CHCHD6: variants seen among roughly 807,000 people sequenced by gnomAD.
CHCHD6 encodes the protein MICOS complex subunit MIC25.
CHCHD6 carries 28 observed loss-of-function variants against 32.3 expected under a neutral mutation model. The ratio of observed to expected loss-of-function variants is 0.87; its 90% CI spans 0.64 to 1.19. The LOEUF (loss-of-function observed/expected upper bound fraction) is 1.19. Among genes scored for constraint, CHCHD6 ranks in the 50% most tolerant of loss-of-function variants. The pLI, the probability that CHCHD6 is intolerant of heterozygous loss-of-function variation, is 0.00. For synonymous variants in CHCHD6, 122 were observed against 117.5 expected, an observed-to-expected ratio of 1.04 and a Z score of -0.25; for missense variants, 333 against 307.0, an observed-to-expected ratio of 1.08 and a Z score of -0.63.
At chr3:126,858,972 G>T (rs946158710) in intron 5 of CHCHD6, among the ~76,000 whole-genome samples, 1 of 152,222 alleles carries the variant, frequency 6.6e-6, no homozygotes, top group African/African-American at 2.4e-5. Flanking sequence ...TGAGCCCTGT[G>T]CATATTCTAG....
At chr3:126,778,640 G>GT (rs1937770887) in intron 4 of CHCHD6, among the ~76,000 whole-genome samples, 1 of 152,150 alleles carries the variant, frequency 6.6e-6, no homozygotes, top group East Asian at 1.9e-4. Context: ...GCTGAAGGAG[G>GT]TTTTTTTGAT....
intron 4 of CHCHD6, among the ~76,000 whole-genome samples, chr3:126,821,733 C>T (rs1940163863): frequency 6.6e-6 from 1 of 152,116 alleles, no homozygotes. Flanking sequence ...CCACCTCATG[C>T]TTGTTCTTGT....
intron 1 of CHCHD6, 149 bp from the exon 2 acceptor site, chr3:126,726,929 G>A (rs919917903): frequency 4.8e-6 from 3 of 623,556 alleles, no homozygotes; most frequent in Non-Finnish European, 5.7e-6. Context: ...GGGCCACCAC[G>A]AGAGGAGTTT....
chr3:126,765,987 CTT>C (rs1176756478), intron 4 of CHCHD6, among the ~76,000 whole-genome samples: 2 of 152,162 alleles, frequency 1.3e-5, no homozygotes, highest in Non-Finnish European at 1.5e-5. Flanking sequence ...AGGCCGGTGA[CTT>C]TGCCTGGCTG....
At position 126,789,286 on chromosome 3, in the gene CHCHD6, A is replaced by T. The variant is rs540784318; in HGVS notation, c.411+56064A>T. 1.4e-4 allele frequency among the ~76,000 whole-genome samples: 22 copies of T among 152,290 alleles called. No individual in the cohort carries two copies. The East Asian group carries it at 3.9e-3, about 27-fold the overall frequency. ...ATAAGTGCGGTGTGGTGCTGAGAAGAATGTATATTCTGTTGATTTGGGGTG... is the reference window on the plus strand; with the variant it reads ...ATAAGTGCGGTGTGGTGCTGAGAAGTATGTATATTCTGTTGATTTGGGGTG... On this transcript the variant is annotated intron_variant, in intron 4 of 7. Coordinates refer to ENST00000290913, the MANE Select transcript of CHCHD6 (RefSeq NM_032343.3).
chr3:126,772,259 G>A (rs112663408), intron 4 of CHCHD6, among the ~76,000 whole-genome samples: 8 of 152,172 alleles, frequency 5.3e-5, no homozygotes, highest in African/African-American at 1.7e-4. Flanking sequence ...CCGCAACCAC[G>A]CCTGGCTGAT....
At chr3:126,832,416 C>T (rs571689471) in intron 4 of CHCHD6, among the ~76,000 whole-genome samples, 19 of 152,278 alleles carry the variant, frequency 1.2e-4, no homozygotes, top group East Asian at 5.8e-4. Flanking sequence ...TGGTGGGCGC[C>T]GTCTCTACCA....
chr3:126,727,257 C>G, intron 2 of CHCHD6, 71 bp downstream of exon 2: 1 of 1,103,800 alleles, frequency 9.1e-7, no homozygotes, highest in Non-Finnish European at 1.4e-6. Context: ...TCACCCGAGC[C>G]CACCTGATGG....
At chr3:126,910,740 G>T (rs562225222) in intron 5 of CHCHD6, among the ~76,000 whole-genome samples, 1 of 152,292 alleles carries the variant, frequency 6.6e-6, no homozygotes, top group African/African-American at 2.4e-5. Flanking sequence ...ACACTACAGG[G>T]TATTCATTCC....
chr3:126,748,707 A>G (rs995071365), intron 4 of CHCHD6, among the ~76,000 whole-genome samples: 1 of 151,502 alleles, frequency 6.6e-6, no homozygotes, highest in African/African-American at 2.4e-5. Context: ...CCAAGTAGCT[A>G]CTCTTCCTTT....
chr3:126,730,461 G>A, intron 2 of CHCHD6, 100 bp from the exon 3 acceptor site: 3 of 924,636 alleles, frequency 3.2e-6, no homozygotes, highest in Middle Eastern at 2.2e-4. Flanking sequence ...CTTCCAAGGG[G>A]CACATTCATT....
At chr3:126,897,311 C>T (rs569522009) in intron 5 of CHCHD6, among the ~76,000 whole-genome samples, 2 of 152,280 alleles carry the variant, frequency 1.3e-5, no homozygotes, top group Non-Finnish European at 2.9e-5. Flanking sequence ...CACAAGCATG[C>T]CATGGTATCA....
intron 4 of CHCHD6, among the ~76,000 whole-genome samples, chr3:126,736,882 G>C (rs1035661147): frequency 6.6e-6 from 1 of 152,176 alleles, no homozygotes; most frequent in Admixed American, 6.5e-5. Flanking sequence ...CTTCTGATGG[G>C]TGGAGTCTTA....
At chr3:126,902,912 A>G (rs1333438872) in intron 5 of CHCHD6, among the ~76,000 whole-genome samples, 1 of 152,074 alleles carries the variant, frequency 6.6e-6, no homozygotes, top group Non-Finnish European at 1.5e-5. Context: ...CTGGCGTGGA[A>G]GCCATCCTTT....
chr3:126,788,725 A>T (rs528744913), intron 4 of CHCHD6, among the ~76,000 whole-genome samples: 1 of 151,800 alleles, frequency 6.6e-6, no homozygotes, highest in East Asian at 1.9e-4. Flanking sequence ...CTTCTTCATT[A>T]GCCTTGCTAG....
intron 6 of CHCHD6, among the ~76,000 whole-genome samples, chr3:126,919,478 T>C (rs1281838667): frequency 6.6e-6 from 1 of 151,978 alleles, no homozygotes; most frequent in African/African-American, 2.4e-5. Context: ...CACATTCGGC[T>C]AACTTTTTAA....
At chr3:126,714,275 A>C (rs901904516) in intron 1 of CHCHD6, among the ~76,000 whole-genome samples, 2 of 151,674 alleles carry the variant, frequency 1.3e-5, no homozygotes, top group Non-Finnish European at 2.9e-5. Flanking sequence ...GTGCTTTATA[A>C]ATTTTATTTT....
chr3:126,871,661 C>CTTTTTTTTT (rs869191195), intron 5 of CHCHD6, among the ~76,000 whole-genome samples: 1 of 125,122 alleles, frequency 8.0e-6, no homozygotes, highest in Non-Finnish European at 1.7e-5. Flanking sequence ...GACCCCCCAA[C>CTTTTTTTTT]TTTTTTTTTT....
chr3:126,850,045 C>T (rs1316013096), intron 4 of CHCHD6, among the ~76,000 whole-genome samples: 1 of 152,184 alleles, frequency 6.6e-6, no homozygotes, highest in African/African-American at 2.4e-5. Context: ...CAGGCACTGA[C>T]ACACAGGCAT....
Sources: gnomAD v4.1 joint callset for allele counts (sites outside exome capture counted in the v4.1 genomes callset) on GRCh38, gnomAD v4.1.1 for gene constraint, MANE v1.5 for transcripts, NCBI Gene and HGNC (gene_info 2026-07-23, HGNC 2026-07-21) for gene names.